GTF2IRD1: variants seen among roughly 807,000 people sequenced by gnomAD.
GTF2IRD1 encodes the protein general transcription factor II-I repeat domain-containing protein 1.
GTF2IRD1 carries 26 observed loss-of-function variants against 113.2 expected under a neutral mutation model. The ratio of observed to expected loss-of-function variants is 0.23; its 90% CI spans 0.17 to 0.32. The LOEUF is 0.32. Among genes scored for constraint, GTF2IRD1 ranks in the 10% least tolerant of loss-of-function variants. The pLI is 1.00. For missense variants in GTF2IRD1, 864 were observed against 1,280.8 expected (o/e 0.67, Z 4.97); for synonymous variants, 484 against 529.1 (o/e 0.91, Z 1.17).
intron 1 of GTF2IRD1, among the ~76,000 whole-genome samples, chr7:74,476,015 C>T (rs1554333451): frequency 6.6e-6 from 1 of 152,148 alleles, no homozygotes; most frequent in Non-Finnish European, 1.5e-5. Flanking sequence ...GTGGAGGTGG[C>T]AGGTGTGGTC....
chr7:74,515,401 C>T (rs377617127), intron 3 of GTF2IRD1, 40 bp from the exon 4 acceptor site: 30 of 1,552,700 alleles, frequency 1.9e-5, no homozygotes, highest in Non-Finnish European at 2.4e-5. Context: ...GGTGGTGAGA[C>T]GGGTGCTCAC....
chr7:74,468,033 G>C lies in GTF2IRD1; in HGVS notation c.-7+13857G>C, dbSNP rs557538360. Among the ~76,000 whole-genome samples the C allele has an allele frequency of 5.7e-4, 86 of 152,158 alleles. 1 individual carries two copies. The highest frequency in any genetic ancestry group is 9.4e-4 in the Non-Finnish European group (64 of 68,038). ...TCCTGAGGCCACCGGCGGTGACGAG[G>C]CCTGATTACTTGACGTTCTGCTGAA... On this transcript the variant is annotated intron_variant, in intron 1 of 26. Coordinates refer to ENST00000424337, the MANE Select transcript of GTF2IRD1 (RefSeq NM_005685.4).
At chr7:74,479,060 C>T (rs1794588933) in intron 1 of GTF2IRD1, among the ~76,000 whole-genome samples, 1 of 152,162 alleles carries the variant, frequency 6.6e-6, no homozygotes, top group Admixed American at 6.5e-5. Context: ...TCTGCCCCGT[C>T]CTCCATCCCC....
At chr7:74,556,264 AAGAGAGAG>A (rs587693569) in intron 19 of GTF2IRD1, among the ~76,000 whole-genome samples, 1 of 149,510 alleles carries the variant, frequency 6.7e-6, no homozygotes, top group African/African-American at 2.5e-5. Context: ...AAAAAAAAGA[AAGAGAGAG>A]AGAGAGAGAG....
intron 2 of GTF2IRD1, among the ~76,000 whole-genome samples, chr7:74,511,089 A>G (rs1213512183): frequency 6.6e-6 from 1 of 151,636 alleles, no homozygotes; most frequent in Non-Finnish European, 1.5e-5. Flanking sequence ...GCAGTGGTCT[A>G]GTGAGTGTTT....
At position 74,541,176 on chromosome 7, in the gene GTF2IRD1, G is replaced by A. The variant is rs587750266; in HGVS notation, c.1618+1208G>A. 7.9e-5 allele frequency among the ~76,000 whole-genome samples: 12 copies of A among 151,854 alleles called. No homozygotes were observed. In the South Asian group the frequency reaches 8.3e-4, roughly 11 times the overall value. On this transcript the variant is annotated intron_variant, in intron 14 of 26. Coordinates refer to ENST00000424337, the MANE Select transcript of GTF2IRD1 (RefSeq NM_005685.4). ...CCTGCTGGGGTACACATCCTCGTGC[G>A]GAGAGATAAACAGTAAGCAAATAAG...
At chr7:74,596,113 T>G (rs1359298304) in intron 25 of GTF2IRD1, 1 of 152,152 alleles carries the variant, frequency 6.6e-6, no homozygotes, top group African/African-American at 2.4e-5. Context: ...TCACTTGAGA[T>G]CAGGAGTTCA....
chr7:74,495,976 A>C (rs1795636338), intron 1 of GTF2IRD1, among the ~76,000 whole-genome samples: 2 of 152,196 alleles, frequency 1.3e-5, no homozygotes, highest in South Asian at 4.1e-4. Flanking sequence ...TTTTCACTGC[A>C]TTCAGACTGT....
In GTF2IRD1 at chr7:74,555,835, G is replaced by A. The variant is rs1398079985; in HGVS notation, c.2023+341G>A. ...TTTGAAATCAGAATAGGAGCCAGAC[G>A]CGGCACCTCACGCCTGTAATCTCAG... On this transcript the variant is annotated intron_variant, in intron 19 of 26. Transcript: ENST00000424337. This position sits in a 1 kb window ranked among gnomAD's most constrained non-coding sequence, Gnocchi z 5.3. Among the ~76,000 whole-genome samples the A allele has an allele frequency of 5.3e-5, 8 of 152,254 alleles. No individual in the cohort carries two copies. The South Asian group carries it at 1.5e-3, about 28-fold the overall frequency.
At chr7:74,516,587 T>C (rs1554344646) in intron 4 of GTF2IRD1, among the ~76,000 whole-genome samples, 1 of 150,514 alleles carries the variant, frequency 6.6e-6, no homozygotes, top group East Asian at 1.9e-4. Context: ...TTATCCCTTC[T>C]CCTACTGTAG....
chr7:74,515,494 G>A lies in GTF2IRD1; in HGVS notation c.319G>A (p.Gly107Ser). Reference protein sequence around the residue: ...EAEHPKKVQRGEGGGRSLPRS... With the variant: ...EAEHPKKVQRSEGGGRSLPRS... ...AGAGCACCCCAAGAAGGTGCAGCGG[G>A]GCGAGGGTGGAGGCCGTAGCCTCCC... Residue 107 changes from glycine (G) to serine (S), a missense_variant, in exon 4 of 27, where the codon GGC (glycine) becomes AGC (serine). This residue lies in a region of GTF2IRD1 where 182 missense variants were observed against 266.6 expected (regional missense o/e 0.68). Transcript: ENST00000424337. The A allele has an allele frequency of 1.9e-6, 3 of 1,612,250 alleles. No homozygotes were observed. The highest frequency in any genetic ancestry group is 2.5e-6 in the Non-Finnish European group (3 of 1,179,146).
intron 25 of GTF2IRD1, among the ~76,000 whole-genome samples, chr7:74,600,556 A>C (rs1802691811): frequency 6.6e-6 from 1 of 152,084 alleles, no homozygotes; most frequent in African/African-American, 2.4e-5. Flanking sequence ...TCAAAATACA[A>C]AAAAATTAGC....
chr7:74,456,107 G>C (rs552978101), intron 1 of GTF2IRD1, among the ~76,000 whole-genome samples: 2 of 152,336 alleles, frequency 1.3e-5, no homozygotes, highest in East Asian at 1.9e-4. Flanking sequence ...TTCTGATGAG[G>C]TGGTAGTCGT....
At chr7:74,574,996 A>G (rs1470184926) in intron 22 of GTF2IRD1, among the ~76,000 whole-genome samples, 2 of 152,126 alleles carry the variant, frequency 1.3e-5, no homozygotes, top group Non-Finnish European at 2.9e-5. Flanking sequence ...AGGCTGAGGC[A>G]GGAGAATCGC....
Position 74,555,856 on chromosome 7 carries a change from C to G in GTF2IRD1, c.2023+362C>G, listed in dbSNP as rs1799561077. Among the ~76,000 whole-genome samples the G allele has an allele frequency of 6.6e-6, 1 of 152,128 alleles. No homozygotes were observed. The highest frequency in any genetic ancestry group is 1.5e-5 in the Non-Finnish European group (1 of 68,008). On this transcript the variant is annotated intron_variant, in intron 19 of 26. Transcript: ENST00000424337. The surrounding 1 kb of genome is among the most constrained non-coding windows in gnomAD (Gnocchi z 5.3). The stretch of plus-strand genomic sequence containing the variant: ...AGACGCGGCACCTCACGCCTGTAAT[C>G]TCAGCACTTGGGAAGGTCAAGGTGG...
At chr7:74,560,942 C>G (rs1554358872) in intron 22 of GTF2IRD1, among the ~76,000 whole-genome samples, 1 of 152,176 alleles carries the variant, frequency 6.6e-6, no homozygotes, top group Non-Finnish European at 1.5e-5. Flanking sequence ...GTCCTGGCCT[C>G]CCAAACCCAG....
intron 9 of GTF2IRD1, among the ~76,000 whole-genome samples, chr7:74,534,812 A>G (rs1360702521): frequency 6.6e-6 from 1 of 151,442 alleles, no homozygotes; most frequent in Admixed American, 6.6e-5. Flanking sequence ...CTGAGGCAGA[A>G]GAATCGCTTG....
intron 1 of GTF2IRD1, among the ~76,000 whole-genome samples, chr7:74,499,561 GATGA>G (rs1795910858): frequency 1.3e-5 from 2 of 148,646 alleles, no homozygotes; most frequent in South Asian, 2.2e-4. Flanking sequence ...CCAAGGAATG[GATGA>G]ATGAATGCAC....
At chr7:74,543,535 G>A (rs1798746008) in intron 14 of GTF2IRD1, among the ~76,000 whole-genome samples, 1 of 152,144 alleles carries the variant, frequency 6.6e-6, no homozygotes, top group African/African-American at 2.4e-5. Context: ...CCATGGATTA[G>A]AGGATTTTGC....
Sources: gnomAD v4.1 joint callset for allele counts (sites outside exome capture counted in the v4.1 genomes callset) on GRCh38, gnomAD v4.1.1 for gene constraint, gnomAD v4.1.1 regional missense constraint, Gnocchi (gnomAD v3.1) non-coding constraint, MANE v1.5 for transcripts, NCBI Gene and HGNC (gene_info 2026-07-23, HGNC 2026-07-21) for gene names.